The following RNF6 variants were observed in gnomAD, a reference collection of about 807,000 sequenced individuals.
The protein encoded by RNF6 is ring finger protein 6.
A neutral mutation model predicts 50.1 loss-of-function variants in RNF6; 21 were observed. That is an observed-to-expected ratio of 0.42 (90% CI 0.30 to 0.60). The LOEUF is 0.60. Among genes scored for constraint, RNF6 ranks in the 20% least tolerant of loss-of-function variants. The probability of loss-of-function intolerance (pLI) is 0.20; values close to 1 mark genes in which losing one functional copy is unlikely to be tolerated. For missense variants in RNF6, 698 were observed against 838.2 expected (o/e 0.83, Z 2.07); for synonymous variants, 255 against 291.8 (o/e 0.87, Z 1.29).
At chr13:26,133,616 C>T (rs930197829) in intron 5 of RNF6, among the ~76,000 whole-genome samples, 4 of 152,086 alleles carry the variant, frequency 2.6e-5, no homozygotes, top group African/African-American at 9.7e-5. Context: ...TAAGCCTATC[C>T]CTAGAGGTTT....
At chr13:26,171,727 T>A (rs1320949359) in intron 5 of RNF6, among the ~76,000 whole-genome samples, 1 of 152,212 alleles carries the variant, frequency 6.6e-6, no homozygotes, top group East Asian at 1.9e-4. Context: ...AGGAATGAAA[T>A]TCCTACACAT....
intron 5 of RNF6, among the ~76,000 whole-genome samples, chr13:26,187,358 G>A (rs67674065): frequency 0.14 from 20,909 of 152,218 alleles, 2,240 homozygotes; most frequent in African/African-American, 0.3. Flanking sequence ...GGGGATCGCG[G>A]AGCAGGAGGC....
chr13:26,204,420 C>T (rs572795214), intron 5 of RNF6, among the ~76,000 whole-genome samples: 13 of 143,668 alleles, frequency 9.0e-5, no homozygotes, highest in African/African-American at 3.4e-4. Context: ...TCTCTTGAAA[C>T]TGGGAGGTGG....
At chr13:26,188,622 GCTTTTTTT>G (rs1873665424) in intron 5 of RNF6, among the ~76,000 whole-genome samples, 1 of 55,976 alleles carries the variant, frequency 1.8e-5, no homozygotes, top group African/African-American at 1.1e-4. Flanking sequence ...AGTCAAAAGA[GCTTTTTTT>G]TTTTTTTTTT....
intron 5 of RNF6, among the ~76,000 whole-genome samples, chr13:26,204,703 T>C (rs554785476): frequency 6.2e-4 from 94 of 152,220 alleles, no homozygotes; most frequent in African/African-American, 2.2e-3. Context: ...CACCTAAATA[T>C]AACACATTAA....
chr13:26,186,194 A>AT lies in RNF6; in HGVS notation n.768+29279_768+29280insA, dbSNP rs563224285. On this transcript the variant is annotated intron_variant and non_coding_transcript_variant, in intron 5 of 5. Transcript: ENST00000468480. ...ACGTGTCAGAGTCATGATACACACA[A>AT]CGCAGAGGAAAAGTTCAAAAACAGA... Among the ~76,000 whole-genome samples the AT allele has an allele frequency of 1.2e-4, 18 of 152,372 alleles. No individual in the cohort carries two copies. The South Asian group carries it at 3.7e-3, about 32-fold the overall frequency.
At chr13:26,132,261 ATGT>A (rs1870425938) in exon 6 of RNF6, 3 of 297,648 alleles carry the variant, frequency 1.0e-5, no homozygotes, top group Admixed American at 4.5e-5. Context: ...GACAAAACAA[ATGT>A]TGTCATATTC....
rs563141398 is a variant in RNF6 at position 26,164,210 on chromosome 13, A to G, written n.769-31759T>C. Among the ~76,000 whole-genome samples the G allele has an allele frequency of 3.8e-4, 58 of 152,292 alleles. 1 individual carries two copies. The highest frequency in any genetic ancestry group is 1.4e-3 in the African/African-American group (57 of 41,570). Reference sequence around the variant, plus strand: ...TTACAGTCCCTGAATTTTAAGAGTCACATTTTCCATTTGTTCTGGAAAAAT... The same window carrying G: ...TTACAGTCCCTGAATTTTAAGAGTCGCATTTTCCATTTGTTCTGGAAAAAT... On this transcript the variant is annotated intron_variant and non_coding_transcript_variant, in intron 5 of 5. Coordinates refer to the RNF6 transcript ENST00000468480.
chr13:26,188,506 C>G (rs1267337948), intron 5 of RNF6, among the ~76,000 whole-genome samples: 3 of 151,678 alleles, frequency 2.0e-5, no homozygotes, highest in African/African-American at 7.3e-5. Flanking sequence ...AAATTCCAGT[C>G]ACTGCATAAG....
At position 26,176,564 on chromosome 13, in the gene RNF6, G is replaced by T. The variant is rs139652857; in HGVS notation, n.768+38910C>A. Among the ~76,000 whole-genome samples, 604 of 152,238 alleles carry T rather than the reference G, an allele frequency of 4.0e-3. 15 individuals carry two copies. The highest frequency in any genetic ancestry group is 0.035 in the Admixed American group (537 of 15,294). ...TGAATGTGACTTTATTTGAAAATAG[G>T]GTCTCTGCCAATGTATTCAAGTCGA... On this transcript the variant is annotated intron_variant and non_coding_transcript_variant, in intron 5 of 5. Transcript: ENST00000468480.
chr13:26,191,399 C>T lies in RNF6; in HGVS notation n.768+24075G>A, dbSNP rs190095364. ...GAGCCTACATTCTAGTGCAGAGTGG[C>T]GGTCAATTAATAAATAAGCAGTTAG... On this transcript the variant is annotated intron_variant and non_coding_transcript_variant, in intron 5 of 5. Coordinates refer to the RNF6 transcript ENST00000468480. Among the ~76,000 whole-genome samples the T allele has an allele frequency of 6.6e-5, 10 of 152,192 alleles. No individual in the cohort carries two copies. The East Asian group carries it at 7.7e-4, about 12-fold the overall frequency.
In RNF6 at chr13:26,195,038, A is replaced by C. The variant is rs115395834; in HGVS notation, n.768+20436T>G. On this transcript the variant is annotated intron_variant and non_coding_transcript_variant, in intron 5 of 5. Coordinates refer to the RNF6 transcript ENST00000468480. ...TCAAGATGACACTCAGTTATTAACC[A>C]TCACAATGGCCAAAAAACAGTATTT... Among the ~76,000 whole-genome samples the C allele has an allele frequency of 4.5e-3, 692 of 152,314 alleles. 3 individuals carry two copies. Among genetic ancestry groups the C allele is most frequent in the African/African-American group, 0.015 (608 of 41,560 alleles).
At chr13:26,160,538 CTTCTTCTTTTTTTTTTTTT>C (rs1872155711) in intron 5 of RNF6, among the ~76,000 whole-genome samples, 1 of 52,762 alleles carries the variant, frequency 1.9e-5, no homozygotes, top group Non-Finnish European at 4.3e-5. Flanking sequence ...TTCTTCTCTT[CTTCTTCTTTTTTTTTTTTT>C]TTTTTTTGGA....
At chr13:26,151,029 C>T (rs1342660437) in intron 5 of RNF6, 1 of 152,056 alleles carries the variant, frequency 6.6e-6, no homozygotes, top group Non-Finnish European at 1.5e-5. Flanking sequence ...GGCATGAAGA[C>T]AATAGACATG....
Position 26,214,900 on chromosome 13 carries a change from T to G in RNF6, c.982A>C (p.Arg328=). ...QSGTVYHNSQ[R]ESRPVQQTTR... ...GTTTGCTGTACTGGTCTACTTTCCC[T>G]TTGGGAATTATGATAAACAGTGCCA... The change falls in exon 5 of 5, where the codon AGG becomes CGG. Residue 328 remains arginine (R), a synonymous_variant. Transcript: ENST00000381588. 6.2e-7 allele frequency: 1 copy of G among 1,614,242 alleles called. No homozygotes were observed. Among genetic ancestry groups the G allele is most frequent in the Non-Finnish European group, 8.5e-7 (1 of 1,180,038 alleles).
At chr13:26,179,520 G>T (rs980077826) in intron 5 of RNF6, among the ~76,000 whole-genome samples, 5 of 152,168 alleles carry the variant, frequency 3.3e-5, no homozygotes, top group Non-Finnish European at 7.3e-5. Flanking sequence ...TGTTCTGGGA[G>T]GGACAAGGAC....
intron 5 of RNF6, among the ~76,000 whole-genome samples, chr13:26,158,954 T>C (rs2137604103): frequency 6.6e-6 from 1 of 152,340 alleles, no homozygotes; most frequent in Admixed American, 6.5e-5. Context: ...GTCAATAATA[T>C]GAACAGGGTT....
At position 26,214,528 on chromosome 13, in the gene RNF6, C is replaced by G; in HGVS notation, c.1354G>C (p.Gly452Arg). 1 of 1,614,144 alleles carries G rather than the reference C, an allele frequency of 6.2e-7. No individual in the cohort carries two copies. Among genetic ancestry groups the G allele is most frequent in the South Asian group, 1.1e-5 (1 of 91,084 alleles). ...ATGGTACTAACATAGGTTCGAATAC[C>G]TGACCGCTCTAAACGAGAAATGGTT... ...RRTISRLERS[G>R]IRTYVSTITV... The change falls in exon 5 of 5, where the codon GGT becomes CGT. Residue 452 changes from glycine to arginine, a missense_variant. By Grantham distance (125) the Gly-to-Arg change is moderately radical. Transcript: ENST00000381588.
intron 5 of RNF6, among the ~76,000 whole-genome samples, chr13:26,150,206 T>A (rs1329683975): frequency 6.6e-6 from 1 of 151,948 alleles, no homozygotes; most frequent in Non-Finnish European, 1.5e-5. Context: ...CAATTCCGGA[T>A]TTTGCCCCAA....
Sources: allele counts gnomAD v4.1 joint callset (sites outside exome capture counted in the v4.1 genomes callset), GRCh38; gene constraint gnomAD v4.1.1; transcripts MANE v1.5; gene names NCBI Gene and HGNC (gene_info 2026-07-23, HGNC 2026-07-21).